MAST4: variants seen among roughly 807,000 people sequenced by gnomAD.
MAST4 encodes microtubule-associated serine/threonine-protein kinase 4.
In MAST4, 89 loss-of-function variants were observed where a neutral mutation model predicts 162.7. The ratio of observed to expected loss-of-function variants is 0.55; its 90% confidence interval spans 0.46 to 0.65. The LOEUF (loss-of-function observed/expected upper bound fraction) is 0.65, where lower values mean the gene tolerates loss of function less well. Ranked by LOEUF, MAST4 falls within the 30% of genes least tolerant of loss-of-function variation. MAST4 has a pLI of 0.00. For missense variants in MAST4, 3,153 were observed against 3,374.0 expected (o/e 0.93, Z 1.62); for synonymous variants, 1,479 against 1,361.1 (o/e 1.09, Z -1.91).
At chr5:66,749,371 C>T (rs562184518) in intron 1 of MAST4, among the ~76,000 whole-genome samples, 38 of 152,206 alleles carry the variant, frequency 2.5e-4, no homozygotes, top group African/African-American at 7.7e-4. Flanking sequence ...TACAGATGCC[C>T]GTAGCATAGG....
intron 1 of MAST4, among the ~76,000 whole-genome samples, chr5:66,725,218 T>G (rs538419934): frequency 6.6e-6 from 1 of 152,266 alleles, no homozygotes; most frequent in African/African-American, 2.4e-5. Context: ...AAAGATGGCT[T>G]TATGCTTTTT....
intron 1 of MAST4, among the ~76,000 whole-genome samples, chr5:66,684,818 A>G (rs999771306): frequency 2.6e-5 from 4 of 152,304 alleles, no homozygotes; most frequent in Non-Finnish European, 5.9e-5. Context: ...TGCTGCAGAG[A>G]GCCAGCAGTT....
chr5:66,614,529 T>G (rs770815260), intron 1 of MAST4, among the ~76,000 whole-genome samples: 1 of 152,210 alleles, frequency 6.6e-6, no homozygotes, highest in African/African-American at 2.4e-5. Flanking sequence ...TAGAATTCGT[T>G]GAGTCTTGAT....
At chr5:67,106,328 A>T (rs1581581076) in intron 10 of MAST4, among the ~76,000 whole-genome samples, 1 of 152,128 alleles carries the variant, frequency 6.6e-6, no homozygotes, top group East Asian at 1.9e-4. Context: ...TGGGCAGCCC[A>T]CTGAAGCAGC....
Position 67,103,562 on chromosome 5 carries a change from G to A in MAST4, c.1147-804G>A, listed in dbSNP as rs548311572. On this transcript the variant is annotated intron_variant, in intron 9 of 28. Transcript: ENST00000403625. Reference sequence around the variant, plus strand: ...GAGTCTCCCTGCATATATAATTAATGTAAGCAAGGAATATGGATTAGGCAG... The same window carrying A: ...GAGTCTCCCTGCATATATAATTAATATAAGCAAGGAATATGGATTAGGCAG... Among the ~76,000 whole-genome samples the A allele has an allele frequency of 7.2e-5, 11 of 152,288 alleles. No individual in the cohort carries two copies. In the South Asian group the frequency reaches 1.2e-3, roughly 17 times the overall value.
chr5:66,626,183 A>G (rs950592551), intron 1 of MAST4, among the ~76,000 whole-genome samples: 1 of 152,178 alleles, frequency 6.6e-6, no homozygotes, highest in East Asian at 1.9e-4. Context: ...CTGAAGATCT[A>G]ATGTACAGCA....
At chr5:67,093,551 TA>T (rs1367250895) in intron 6 of MAST4, 1 of 402,362 alleles carries the variant, frequency 2.5e-6, no homozygotes, top group Non-Finnish European at 5.2e-6. Flanking sequence ...TTATGAGTTG[TA>T]AATTATTTCT....
At chr5:66,931,723 G>A (rs1414331620) in intron 4 of MAST4, among the ~76,000 whole-genome samples, 2 of 152,032 alleles carry the variant, frequency 1.3e-5, no homozygotes, top group African/African-American at 4.8e-5. Flanking sequence ...ATTGAAGATA[G>A]CGTTGCTGCC....
intron 5 of MAST4, among the ~76,000 whole-genome samples, chr5:67,082,422 C>T (rs779918874): frequency 1.3e-5 from 2 of 152,082 alleles, no homozygotes; most frequent in East Asian, 1.9e-4. Context: ...CGTGAGCCAC[C>T]GTGGCCAGCC....
rs529366162 is a variant in MAST4 at position 66,607,641 on chromosome 5, T to A, written c.363+10623T>A. Reference sequence around the variant, plus strand: ...GTGGAAATGGATTGCAGGAATTTGGTCAGTAGTGAAAGTATTGGCCTGGAA... The same window carrying A: ...GTGGAAATGGATTGCAGGAATTTGGACAGTAGTGAAAGTATTGGCCTGGAA... On this transcript the variant is annotated intron_variant, in intron 1 of 28. Coordinates refer to ENST00000403625, the MANE Select transcript of MAST4 (RefSeq NM_001164664.2). Among the ~76,000 whole-genome samples, 11 of 152,332 alleles carry A rather than the reference T, an allele frequency of 7.2e-5. No individual in the cohort carries two copies. The South Asian group carries it at 2.3e-3, about 32-fold the overall frequency.
At chr5:66,843,025 G>A (rs918046506) in intron 3 of MAST4, among the ~76,000 whole-genome samples, 6 of 152,020 alleles carry the variant, frequency 3.9e-5, no homozygotes, top group South Asian at 2.1e-4. Context: ...GAACTCCTCC[G>A]TGTGTCTGTA....
At chr5:67,143,436 A>G (rs1036130856) in intron 21 of MAST4, among the ~76,000 whole-genome samples, 1 of 152,128 alleles carries the variant, frequency 6.6e-6, no homozygotes, top group African/African-American at 2.4e-5. Context: ...AATCAAAACA[A>G]AGAAAACTGA....
intron 1 of MAST4, among the ~76,000 whole-genome samples, chr5:66,642,639 G>T (rs1196140388): frequency 6.6e-6 from 1 of 152,122 alleles, no homozygotes; most frequent in Non-Finnish European, 1.5e-5. Flanking sequence ...TTCTCTACTT[G>T]AAGTTGTTTC....
chr5:67,110,827 C>A (rs1283916077), intron 11 of MAST4, among the ~76,000 whole-genome samples: 1 of 152,092 alleles, frequency 6.6e-6, no homozygotes, highest in Non-Finnish European at 1.5e-5. Flanking sequence ...AGTTCCAGAC[C>A]AGCCTGGCCA....
At chr5:66,633,897 C>G (rs1744939544) in intron 1 of MAST4, among the ~76,000 whole-genome samples, 1 of 152,170 alleles carries the variant, frequency 6.6e-6, no homozygotes, top group African/African-American at 2.4e-5. Flanking sequence ...TCAGCTTGCA[C>G]TGTGGCACAC....
At chr5:66,701,717 G>A (rs948871565) in intron 1 of MAST4, among the ~76,000 whole-genome samples, 2 of 152,116 alleles carry the variant, frequency 1.3e-5, no homozygotes, top group African/African-American at 4.8e-5. Context: ...TCCTGATGCT[G>A]GAATTTCACT....
At position 67,134,618 on chromosome 5, in the gene MAST4, T is replaced by C; in HGVS notation, c.2322T>C (p.Tyr774=). The part of the protein sequence containing the change: ...VDWWAMGIIL[Y]EFLVGCVPFF... ...GGTGGGCCATGGGGATTATCCTCTA[T>C]GAATTTCTGGTTGGATGCGTGCCAT... The change falls in exon 18 of 29, where the codon TAT becomes TAC. Residue 774 remains tyrosine (Y), a synonymous_variant. Coordinates refer to ENST00000403625, the MANE Select transcript of MAST4 (RefSeq NM_001164664.2). The C allele has an allele frequency of 1.9e-6, 3 of 1,613,786 alleles. No individual in the cohort carries two copies. The highest frequency in any genetic ancestry group is 2.2e-5 in the East Asian group (1 of 44,878).
chr5:67,071,474 T>C (rs1760976221), intron 5 of MAST4, among the ~76,000 whole-genome samples: 2 of 149,584 alleles, frequency 1.3e-5, no homozygotes, highest in South Asian at 4.2e-4. Context: ...AGAAGATGGC[T>C]GGGCGTGGTG....
chr5:66,861,142 G>C (rs1561390798), intron 3 of MAST4, among the ~76,000 whole-genome samples: 1 of 152,210 alleles, frequency 6.6e-6, no homozygotes, highest in Non-Finnish European at 1.5e-5. Context: ...TGAAGATGGG[G>C]GATCCGAGGT....
Sources: allele counts gnomAD v4.1 joint callset (sites outside exome capture counted in the v4.1 genomes callset), GRCh38; gene constraint gnomAD v4.1.1; transcripts MANE v1.5; gene names NCBI Gene and HGNC (gene_info 2026-07-23, HGNC 2026-07-21).